Variants in CR1L observed in about 807,000 individuals in gnomAD.
CR1L encodes complement C3b/C4b receptor 1 like.
Under a neutral mutation model 62.3 loss-of-function variants are expected in CR1L, and 59 were observed. That is an observed-to-expected ratio of 0.95 (90% CI 0.77 to 1.18). The LOEUF (loss-of-function observed/expected upper bound fraction) is 1.18. CR1L is among the 50% of genes most tolerant of loss of function. The pLI is 0.00. For synonymous variants in CR1L, 279 were observed against 248.7 expected, an observed-to-expected ratio of 1.12 and a Z score of -1.15; for missense variants, 700 against 702.8, an observed-to-expected ratio of 1.00 and a Z score of 0.04.
intron 1 of CR1L, among the ~76,000 whole-genome samples, chr1:207,671,627 A>G (rs1663616548): frequency 2.0e-5 from 3 of 151,036 alleles, no homozygotes; most frequent in Admixed American, 2.0e-4. Flanking sequence ...TAAAATGCTC[A>G]GTTAAAACAA....
chr1:207,650,315 C>A (rs571413744), intron 1 of CR1L, among the ~76,000 whole-genome samples: 1 of 152,268 alleles, frequency 6.6e-6, no homozygotes, highest in Admixed American at 6.5e-5. Context: ...AGAGGACAAG[C>A]TGAAAACCAG....
intron 9 of CR1L, among the ~76,000 whole-genome samples, chr1:207,703,439 G>A (rs934332148): frequency 6.6e-6 from 1 of 152,214 alleles, no homozygotes; most frequent in Non-Finnish European, 1.5e-5. Flanking sequence ...ACAGAGGTAT[G>A]TTTGCAGCAT....
intron 4 of CR1L, among the ~76,000 whole-genome samples, chr1:207,690,882 T>G (rs144218882): frequency 1.3e-5 from 2 of 152,312 alleles, no homozygotes; most frequent in East Asian, 3.9e-4. Context: ...CTCTTCTGGC[T>G]CCTGTAAAGA....
At chr1:207,645,356 G>C in intron 1 of CR1L, 26 bp downstream of exon 1, 1 of 1,611,844 alleles carries the variant, frequency 6.2e-7, no homozygotes. Context: ...GGATTCGCGC[G>C]TCCGCGGCGA....
chr1:207,710,968 T>C, intron 10 of CR1L: 3 of 691,326 alleles, frequency 4.3e-6, no homozygotes, highest in Non-Finnish European at 7.2e-6. Flanking sequence ...TGTCTTCATT[T>C]TGAAAAGCAA....
At chr1:207,723,108 G>C (rs997223189) in intron 11 of CR1L, among the ~76,000 whole-genome samples, 5 of 152,156 alleles carry the variant, frequency 3.3e-5, no homozygotes, top group African/African-American at 1.2e-4. Flanking sequence ...GTTTTCTTCT[G>C]TAATTGTATT....
intron 11 of CR1L, among the ~76,000 whole-genome samples, chr1:207,719,008 AC>A (rs1198356288): frequency 2.0e-5 from 3 of 148,122 alleles, no homozygotes; most frequent in Non-Finnish European, 4.5e-5. Flanking sequence ...TATCACAAGA[AC>A]AAAAAACCAA....
At chr1:207,648,566 G>C (rs1663171686) in intron 1 of CR1L, among the ~76,000 whole-genome samples, 1 of 141,418 alleles carries the variant, frequency 7.1e-6, no homozygotes, top group African/African-American at 2.8e-5. Flanking sequence ...TTGCCAAATG[G>C]TTCCAGATAG....
chr1:207,703,950 A>G (rs1469310338), intron 9 of CR1L, among the ~76,000 whole-genome samples: 1 of 151,556 alleles, frequency 6.6e-6, no homozygotes, highest in Admixed American at 6.6e-5. Context: ...GGAGACTTCA[A>G]CTCAAAAAAA....
intron 8 of CR1L, among the ~76,000 whole-genome samples, chr1:207,701,104 G>GA (rs1430352895): frequency 6.6e-6 from 1 of 152,154 alleles, no homozygotes; most frequent in African/African-American, 2.4e-5. Context: ...TATTTGTAGA[G>GA]AAAATCTTCA....
intron 7 of CR1L, 49 bp from the exon 8 acceptor site, chr1:207,699,140 G>A (rs1035951211): frequency 6.2e-7 from 1 of 1,610,946 alleles, no homozygotes; most frequent in African/African-American, 1.3e-5. Context: ...TGAACTAAGT[G>A]TCCTCTTGGC....
At chr1:207,652,760 T>G (rs1335665567) in intron 1 of CR1L, 1 of 736,158 alleles carries the variant, frequency 1.4e-6, no homozygotes, top group African/African-American at 1.8e-5. Flanking sequence ...CTTTTTTTTT[T>G]GTTTTCTGCT....
At chr1:207,723,154 C>G (rs1163997570) in intron 11 of CR1L, among the ~76,000 whole-genome samples, 1 of 152,134 alleles carries the variant, frequency 6.6e-6, no homozygotes, top group East Asian at 1.9e-4. Flanking sequence ...TTAAAGTCTT[C>G]TTGGCAGTGG....
chr1:207,649,002 C>T (rs1663180953), intron 1 of CR1L, among the ~76,000 whole-genome samples: 1 of 152,078 alleles, frequency 6.6e-6, no homozygotes, highest in Non-Finnish European at 1.5e-5. Flanking sequence ...ACATATTGTG[C>T]TGGGTGTTGT....
At chr1:207,653,305 T>G (rs1663258225) in intron 1 of CR1L, 1 of 153,080 alleles carries the variant, frequency 6.5e-6, no homozygotes, top group Admixed American at 6.5e-5. Flanking sequence ...CAAGTTATAC[T>G]TCTAGCCAAA....
chr1:207,707,663 A>G (rs1205113627), intron 9 of CR1L, among the ~76,000 whole-genome samples: 1 of 152,144 alleles, frequency 6.6e-6, no homozygotes. Context: ...AATCAAATAT[A>G]TAATTTATTT....
chr1:207,713,421 T>C (rs910800341), intron 10 of CR1L, among the ~76,000 whole-genome samples: 1 of 152,230 alleles, frequency 6.6e-6, no homozygotes, highest in Non-Finnish European at 1.5e-5. Flanking sequence ...TGTAATTGTT[T>C]TGATGCAAGA....
chr1:207,674,706 T>C (rs11118322), intron 1 of CR1L, among the ~76,000 whole-genome samples: 64,249 of 152,016 alleles, frequency 0.42, 13,799 homozygotes, highest in Non-Finnish European at 0.46. Flanking sequence ...TACCCTCTCT[T>C]AATACAGCTT....
At chr1:207,647,100 G>C (rs1663139741) in intron 1 of CR1L, among the ~76,000 whole-genome samples, 1 of 152,194 alleles carries the variant, frequency 6.6e-6, no homozygotes, top group Admixed American at 6.5e-5. Context: ...GAACACAGTA[G>C]GCAATCAACA....
Sources: allele counts gnomAD v4.1 joint callset (sites outside exome capture counted in the v4.1 genomes callset), GRCh38; gene constraint gnomAD v4.1.1; transcripts MANE v1.5; gene names NCBI Gene and HGNC (gene_info 2026-07-23, HGNC 2026-07-21).